The following GRIA4 variants were observed in gnomAD, a reference collection of about 807,000 sequenced individuals.
The protein encoded by GRIA4 is glutamate receptor 4.
In GRIA4, 34 loss-of-function variants were observed where a neutral mutation model predicts 104.0. The ratio of observed to expected loss-of-function variants is 0.33; its 90% CI spans 0.25 to 0.44. The LOEUF is 0.44. GRIA4 is among the 20% of genes least tolerant of loss of function. The pLI, the probability that GRIA4 is intolerant of heterozygous loss-of-function variation, is 1.00. For synonymous variants in GRIA4, 386 were observed against 381.9 expected, an observed-to-expected ratio of 1.01 and a Z score of -0.13; for missense variants, 750 against 1,096.5, an observed-to-expected ratio of 0.68 and a Z score of 4.46.
chr11:105,957,804 T>C (rs1948630855), intron 14 of GRIA4, among the ~76,000 whole-genome samples: 1 of 152,194 alleles, frequency 6.6e-6, no homozygotes, highest in South Asian at 2.1e-4. Context: ...TGGTTTGTAG[T>C]TCTCCGTGAA....
At chr11:105,879,968 CT>C (rs1207770655) in intron 5 of GRIA4, among the ~76,000 whole-genome samples, 1 of 152,154 alleles carries the variant, frequency 6.6e-6, no homozygotes, top group Non-Finnish European at 1.5e-5. Context: ...GGAGTTCCAG[CT>C]TCATCACTTA....
At chr11:105,954,980 A>G (rs956222947) in intron 14 of GRIA4, among the ~76,000 whole-genome samples, 4 of 150,358 alleles carry the variant, frequency 2.7e-5, no homozygotes, top group Admixed American at 1.3e-4. Flanking sequence ...AATGTTACAT[A>G]TATATAAAAT....
At chr11:105,781,177 A>T (rs1428212282) in intron 4 of GRIA4, among the ~76,000 whole-genome samples, 1 of 152,174 alleles carries the variant, frequency 6.6e-6, no homozygotes, top group Non-Finnish European at 1.5e-5. Flanking sequence ...GTGTTTCCTA[A>T]TTTAACATTT....
At chr11:105,912,287 T>A (rs1298937219) in intron 10 of GRIA4, 3 of 972,348 alleles carry the variant, frequency 3.1e-6, no homozygotes, top group East Asian at 1.1e-4. Flanking sequence ...TATATACAGT[T>A]GTTTTCTTTA....
intron 5 of GRIA4, among the ~76,000 whole-genome samples, chr11:105,872,931 T>C (rs1475161322): frequency 6.6e-6 from 1 of 152,028 alleles, no homozygotes; most frequent in Non-Finnish European, 1.5e-5. Flanking sequence ...ACATGGTGTA[T>C]CTTTTTTTAT....
intron 3 of GRIA4, among the ~76,000 whole-genome samples, chr11:105,713,492 A>G (rs1011273859): frequency 6.6e-6 from 1 of 152,164 alleles, no homozygotes; most frequent in Non-Finnish European, 1.5e-5. Flanking sequence ...GAATTATGGG[A>G]TCTTTTCCAG....
intron 3 of GRIA4, among the ~76,000 whole-genome samples, chr11:105,678,513 C>T (rs1047611516): frequency 3.3e-5 from 5 of 152,066 alleles, no homozygotes; most frequent in Non-Finnish European, 5.9e-5. Context: ...GAATGAAATA[C>T]ATTTTTTGAC....
intron 13 of GRIA4, among the ~76,000 whole-genome samples, chr11:105,927,587 T>C (rs753286364): frequency 3.3e-5 from 5 of 152,118 alleles, no homozygotes; most frequent in Admixed American, 2.6e-4. Context: ...CATGTATAAT[T>C]GCATTATATA....
chr11:105,921,492 C>T (rs910889903), intron 11 of GRIA4, among the ~76,000 whole-genome samples: 2 of 152,122 alleles, frequency 1.3e-5, no homozygotes, highest in African/African-American at 4.8e-5. Flanking sequence ...CCGATGTTGG[C>T]AGAGGAAGCC....
At chr11:105,883,331 G>C (rs1946134347) in intron 5 of GRIA4, among the ~76,000 whole-genome samples, 1 of 150,408 alleles carries the variant, frequency 6.6e-6, no homozygotes, top group Non-Finnish European at 1.5e-5. Flanking sequence ...ACAATGTGCA[G>C]GTTTGTTACA....
chr11:105,915,029 G>A (rs1423279663), intron 10 of GRIA4, among the ~76,000 whole-genome samples: 1 of 152,198 alleles, frequency 6.6e-6, no homozygotes, highest in Non-Finnish European at 1.5e-5. Flanking sequence ...GGGGAAATGA[G>A]GAGGTTGGGC....
intron 4 of GRIA4, among the ~76,000 whole-genome samples, chr11:105,791,913 A>C (rs1469497937): frequency 1.3e-5 from 2 of 152,182 alleles, no homozygotes; most frequent in African/African-American, 4.8e-5. Flanking sequence ...GAAATGTAGA[A>C]GGGCTGGGGA....
intron 3 of GRIA4, among the ~76,000 whole-genome samples, chr11:105,698,336 G>A (rs1953360553): frequency 1.3e-5 from 2 of 152,120 alleles, no homozygotes; most frequent in African/African-American, 4.8e-5. Flanking sequence ...TAGGACTTAT[G>A]TTTTTGTATA....
At chr11:105,664,134 G>A (rs1181869769) in intron 3 of GRIA4, among the ~76,000 whole-genome samples, 1 of 147,632 alleles carries the variant, frequency 6.8e-6, no homozygotes, top group Non-Finnish European at 1.5e-5. Context: ...ATGCCGTGAA[G>A]AATATAACAC....
intron 14 of GRIA4, among the ~76,000 whole-genome samples, chr11:105,967,702 C>CAA (rs1858459267): frequency 2.9e-5 from 1 of 34,334 alleles, no homozygotes; most frequent in African/African-American, 8.2e-5. Flanking sequence ...TGTTTGTATA[C>CAA]CAAAAAAAAA....
intron 4 of GRIA4, among the ~76,000 whole-genome samples, chr11:105,786,505 A>C (rs1423939993): frequency 6.6e-6 from 1 of 152,158 alleles, no homozygotes; most frequent in Non-Finnish European, 1.5e-5. Context: ...AAGTATAATC[A>C]TTTATTCATT....
chr11:105,688,087 TTCTC>T (rs879852982), intron 3 of GRIA4, among the ~76,000 whole-genome samples: 2 of 151,124 alleles, frequency 1.3e-5, no homozygotes, highest in Admixed American at 1.3e-4. Flanking sequence ...ATCTCAAATA[TTCTC>T]TCTCTCTGTC....
intron 4 of GRIA4, among the ~76,000 whole-genome samples, chr11:105,839,677 C>T (rs965317524): frequency 6.6e-6 from 1 of 151,716 alleles, no homozygotes; most frequent in African/African-American, 2.4e-5. Flanking sequence ...CACCGCACCC[C>T]AGCCTGGGCA....
intron 3 of GRIA4, among the ~76,000 whole-genome samples, chr11:105,714,525 CA>C (rs1481602036): frequency 1.3e-5 from 2 of 152,024 alleles, no homozygotes; most frequent in Non-Finnish European, 2.9e-5. Context: ...TAAATATTAT[CA>C]TGCTTAAGAC....
Sources: gnomAD v4.1 joint callset for allele counts (sites outside exome capture counted in the v4.1 genomes callset) on GRCh38, gnomAD v4.1.1 for gene constraint, MANE v1.5 for transcripts, NCBI Gene and HGNC (gene_info 2026-07-23, HGNC 2026-07-21) for gene names.